PFAS: variants seen among roughly 807,000 people sequenced by gnomAD.
PFAS encodes the protein FGAM synthase.
PFAS carries 97 observed loss-of-function variants against 140.6 expected under a neutral mutation model. The ratio of observed to expected loss-of-function variants is 0.69; its 90% CI spans 0.59 to 0.82. PFAS has a LOEUF of 0.82. Ranked by LOEUF, PFAS falls within the 40% of genes least tolerant of loss-of-function variation. The probability of loss-of-function intolerance (pLI) is 0.00; values close to 1 mark genes in which losing one functional copy is unlikely to be tolerated. For synonymous variants in PFAS, 679 were observed against 718.8 expected (o/e 0.94, Z 0.88); for missense variants, 1,656 against 1,780.2 (o/e 0.93, Z 1.26).
intron 1 of PFAS, among the ~76,000 whole-genome samples, chr17:8,250,721 A>G (rs1225582920): frequency 1.3e-5 from 2 of 152,214 alleles, no homozygotes; most frequent in African/African-American, 2.4e-5. Flanking sequence ...CTGGAGGTCA[A>G]TACACCAAGA....
chr17:8,268,707 A>T lies in PFAS; in HGVS notation c.3557A>T (p.Gln1186Leu). ...EDAAEMGPDS[Q>L]PARPGLLLRH... ...GCTGCAGAGATGGGCCCTGACTCCC[A>T]GCCAGCCCGGCCAGGCCTTCTGCTA... is the stretch of plus-strand genomic sequence containing the variant. Residue 1186 changes from glutamine to leucine, a missense_variant, in exon 27 of 28, where the codon CAG (glutamine) becomes CTG (leucine). Physicochemically the swap from Gln to Leu is moderately radical, Grantham distance 113. Around this residue, in one of 2 missense-constraint regions of PFAS, gnomAD observed 883 missense variants for 1,023.0 expected, o/e 0.86. Transcript: ENST00000314666. 6.2e-7 allele frequency: 1 copy of T among 1,613,202 alleles called. No homozygotes were observed. Among genetic ancestry groups the T allele is most frequent in the Non-Finnish European group, 8.5e-7 (1 of 1,179,916 alleles).
rs1233494145 is a variant in PFAS, at chr17:8,254,055, C to T, written c.118C>T (p.Leu40=). 1.9e-6 allele frequency: 3 copies of T among 1,614,034 alleles called. No individual in the cohort carries two copies. Among genetic ancestry groups the T allele is most frequent in the East Asian group, 2.2e-5 (1 of 44,896 alleles). ...LPELQGVETE[L]CYNVNWTAEA... ...AGAGCTGCAGGGCGTCGAGACTGAA[C>T]TGTGCTACAACGTGAACTGGACAGG... The change falls in exon 2 of 28, where the codon CTG becomes TTG. Residue 40 remains leucine (L), a synonymous_variant. Coordinates refer to ENST00000314666, the MANE Select transcript of PFAS (RefSeq NM_012393.3).
rs1567646899 is a variant in PFAS, at chr17:8,267,861, TAC to T, written c.3382+200_3382+201del. 6.8e-6 allele frequency among the ~76,000 whole-genome samples: 1 copy of T among 147,374 alleles called. No homozygotes were observed. Among genetic ancestry groups the T allele is most frequent in the Non-Finnish European group, 1.5e-5 (1 of 67,156 alleles). ...TTTTCATTGAAAAAAAGTATATATA[TAC>T]ACATATGTAATTAAAATATATATTA... On this transcript the variant is annotated intron_variant, in intron 26 of 27. Coordinates refer to ENST00000314666, the MANE Select transcript of PFAS (RefSeq NM_012393.3). The surrounding 1 kb of genome is among the most constrained non-coding windows in gnomAD (Gnocchi z 4.9).
chr17:8,263,109 G>C lies in PFAS; in HGVS notation c.1411G>C (p.Val471Leu). Residue 471 changes from valine to leucine, a missense_variant and splice_region_variant, in exon 13 of 28, where the codon GTG (valine) becomes CTG (leucine). This residue lies in a region of PFAS where 773 missense variants were observed against 757.3 expected (regional missense o/e 1.02). Transcript: ENST00000314666. ...TGAGCTATGCCATATATGCCCCCAG[G>C]TGCAGGGAGATAACACCAGTGACCT... ...VGGGAASSVQ[V>L]QGDNTSDLDF... is the part of the protein sequence containing the mutation. 1 of 1,614,018 alleles carries C rather than the reference G, an allele frequency of 6.2e-7. No individual in the cohort carries two copies.
At position 8,266,466 on chromosome 17, in the gene PFAS, C is replaced by T. The variant is rs554158104; in HGVS notation, c.2821+113C>T. 2.7e-4 allele frequency: 415 copies of T among 1,522,876 alleles called. 2 individuals are homozygous for T. The African/African-American group carries it at 5.1e-3, about 19-fold the overall frequency. The allele number at this position is 1,522,876 out of a possible 1,614,324, so 94.3% of individuals were successfully genotyped here. The stretch of plus-strand genomic sequence containing the variant: ...CTCCAGTCCCCTTTCCCTGAGTCTT[C>T]CCTGACTAGCTTTTCTGTGCTGTCT... On this transcript the variant is annotated intron_variant, in intron 22 of 27. Coordinates refer to ENST00000314666, the MANE Select transcript of PFAS (RefSeq NM_012393.3). The surrounding 1 kb of genome is among the most constrained non-coding windows in gnomAD (Gnocchi z 5.0).
rs961879001 is a variant in PFAS, at chr17:8,251,790, G to T, written c.-79-2069G>T. The stretch of plus-strand genomic sequence containing the variant: ...AGGTTCCAGTGATTCTCCTGCCTCA[G>T]CCTCCCGAGTAGCTGGGACTACAGG... On this transcript the variant is annotated intron_variant, in intron 1 of 27. Transcript: ENST00000314666. Among the ~76,000 whole-genome samples the T allele has an allele frequency of 3.3e-5, 5 of 149,320 alleles. No individual in the cohort carries two copies. The Admixed American group carries it at 3.4e-4, about 10-fold the overall frequency.
chr17:8,253,814 C>T, intron 1 of PFAS, 45 bp from the exon 2 acceptor site: 1 of 1,398,396 alleles, frequency 7.2e-7, no homozygotes. Context: ...GCTGGGGTTA[C>T]AGATGTGAGC....
upstream of PFAS, chr17:8,248,191 C>T: frequency 1.6e-6 from 1 of 641,528 alleles, no homozygotes; most frequent in Non-Finnish European, 2.8e-6. Flanking sequence ...AGAGACTCCG[C>T]GAGGCGCCTC....
chr17:8,265,501 G>A lies in PFAS; in HGVS notation c.2461+33G>A, dbSNP rs749249873. 2.5e-6 allele frequency: 4 copies of A among 1,613,038 alleles called. No individual in the cohort carries two copies. The African/African-American group carries it at 4.0e-5, about 16-fold the overall frequency. On this transcript the variant is annotated intron_variant, in intron 19 of 27. Coordinates refer to ENST00000314666, the MANE Select transcript of PFAS (RefSeq NM_012393.3). ...GTGGGAGCCCCAGGGAGGGGAGGAG[G>A]AACTATGGAGCTGGGTTGGCAACTC...
In PFAS at chr17:8,264,883, C is replaced by T; in HGVS notation, c.2050-12C>T. The T allele has an allele frequency of 2.6e-6, 4 of 1,537,714 alleles. No individual in the cohort carries two copies. Among genetic ancestry groups the T allele is most frequent in the Non-Finnish European group, 3.5e-6 (4 of 1,132,712 alleles). On this transcript the variant is annotated splice_polypyrimidine_tract_variant and intron_variant, in intron 17 of 27. Transcript: ENST00000314666. Reference sequence around the variant, plus strand: ...TCCCTTGCTCTCTTGCTAACCCCACCTGGTTCCACAGGTGGACCGCTCTGT... The same window carrying T: ...TCCCTTGCTCTCTTGCTAACCCCACTTGGTTCCACAGGTGGACCGCTCTGT...
intron 13 of PFAS, 21 bp downstream of exon 13, chr17:8,263,286 A>G: frequency 4.3e-6 from 7 of 1,613,628 alleles, no homozygotes; most frequent in Non-Finnish European, 5.9e-6. Context: ...GAGTTGGAAC[A>G]AGAGACTGGG....
chr17:8,250,799 C>T (rs891201252), intron 1 of PFAS, among the ~76,000 whole-genome samples: 4 of 152,056 alleles, frequency 2.6e-5, no homozygotes, highest in African/African-American at 9.7e-5. Context: ...GAGGAAACCT[C>T]AAATCCATCT....
chr17:8,264,127 C>A, intron 15 of PFAS, 85 bp from the exon 16 acceptor site: 1 of 1,568,182 alleles, frequency 6.4e-7, no homozygotes, highest in Non-Finnish European at 8.8e-7. Flanking sequence ...GAGTGGAAAG[C>A]ACATTTGTGC....
chr17:8,266,117 G>GT lies in PFAS; in HGVS notation c.2701+101dup. ...GGCAAAAGGGACTCCAATGGACGAT[G>GT]TACCCCAGATCCCCTGACATTCTGA... On this transcript the variant is annotated intron_variant, in intron 21 of 27. Transcript: ENST00000314666. The surrounding 1 kb of genome is among the most constrained non-coding windows in gnomAD (Gnocchi z 5.0). 1 of 1,539,340 alleles carries GT rather than the reference G, an allele frequency of 6.5e-7. No individual in the cohort carries two copies. The highest frequency in any genetic ancestry group is 1.9e-4 in the Middle Eastern group (1 of 5,268).
At chr17:8,258,331 T>C in intron 11 of PFAS, 132 bp downstream of exon 11, 1 of 972,598 alleles carries the variant, frequency 1.0e-6, no homozygotes. Flanking sequence ...TGTCACATAA[T>C]GATGGACAAC....
In PFAS at chr17:8,266,850, C is replaced by A. The variant is rs773088094; in HGVS notation, c.2919C>A (p.Leu973=). ...QVLKRYRDAG[L]HCLELGHTGE... is the part of the protein sequence containing the mutation. ...TGAAGCGTTACCGGGATGCTGGCCT[C>A]CATTGCCTGGAGCTGGGCCACACAG... Residue 973 remains leucine, a synonymous_variant, in exon 23 of 28, where the codon CTC becomes CTA. Coordinates refer to ENST00000314666, the MANE Select transcript of PFAS (RefSeq NM_012393.3). This position sits in a 1 kb window ranked among gnomAD's most constrained non-coding sequence, Gnocchi z 5.0. 6.2e-7 allele frequency: 1 copy of A among 1,609,750 alleles called. No individual in the cohort carries two copies. The highest frequency in any genetic ancestry group is 8.5e-7 in the Non-Finnish European group (1 of 1,179,742).
upstream of PFAS, chr17:8,249,206 G>A (rs1989022348): frequency 6.6e-6 from 1 of 152,190 alleles, no homozygotes; most frequent in African/African-American, 2.4e-5. Flanking sequence ...TCGGCCGGGT[G>A]GCTGGGGAAA....
At chr17:8,255,992 C>T in intron 6 of PFAS, 82 bp downstream of exon 6, 1 of 1,136,610 alleles carries the variant, frequency 8.8e-7, no homozygotes, top group East Asian at 2.4e-5. Flanking sequence ...ATGTTCCTCC[C>T]TTGGCTTAGG....
At chr17:8,256,220 T>C in intron 6 of PFAS, 47 bp from the exon 7 acceptor site, 2 of 1,594,578 alleles carry the variant, frequency 1.3e-6, no homozygotes, top group Non-Finnish European at 1.7e-6. Flanking sequence ...CATTAAGAAA[T>C]GACCCCGTTT....
Sources: allele counts gnomAD v4.1 joint callset (sites outside exome capture counted in the v4.1 genomes callset), GRCh38; gene constraint gnomAD v4.1.1; regional missense constraint gnomAD v4.1.1; non-coding constraint Gnocchi (gnomAD v3.1); transcripts MANE v1.5; gene names NCBI Gene and HGNC (gene_info 2026-07-23, HGNC 2026-07-21).